The following DENND2A variants were observed in gnomAD, a reference collection of about 807,000 sequenced individuals.
The protein encoded by DENND2A is DENN domain-containing protein 2A.
In DENND2A, 53 loss-of-function variants were observed where a neutral mutation model predicts 105.3. The observed-to-expected ratio is 0.50, with a 90% confidence interval of 0.40 to 0.63. The LOEUF (loss-of-function observed/expected upper bound fraction) is 0.63. Among genes scored for constraint, DENND2A ranks in the 30% least tolerant of loss-of-function variants. The pLI is 0.00. For missense variants in DENND2A, 1,138 were observed against 1,279.6 expected, an observed-to-expected ratio of 0.89 and a Z score of 1.69; for synonymous variants, 522 against 508.4, an observed-to-expected ratio of 1.03 and a Z score of -0.36.
At chr7:140,581,340 G>A (rs568968465) in intron 5 of DENND2A, among the ~76,000 whole-genome samples, 1 of 152,320 alleles carries the variant, frequency 6.6e-6, no homozygotes, top group East Asian at 1.9e-4. Context: ...TGCAGTTTGC[G>A]TTCAGCAGCA....
Position 140,527,814 on chromosome 7 carries a change from TTTA to T in DENND2A, c.2328-322_2328-320del, listed in dbSNP as rs148220740. Among the ~76,000 whole-genome samples, 25,129 of 151,048 alleles carry T rather than the reference TTTA, an allele frequency of 0.17. 3,520 individuals carry two copies. Among genetic ancestry groups the T allele is most frequent in the African/African-American group, 0.4 (16,138 of 40,540 alleles). On this transcript the variant is annotated intron_variant, in intron 14 of 19. Coordinates refer to ENST00000496613, the MANE Select transcript of DENND2A (RefSeq NM_015689.5). The surrounding 1 kb of genome is among the most constrained non-coding windows in gnomAD (Gnocchi z 4.9). ...GATCTATACTCTTGTAAGGTTTTTATTTATTATTTATTTATTTATTTATATTTT... is the reference window on the plus strand; with the variant it reads ...GATCTATACTCTTGTAAGGTTTTTATTTATTTATTTATTTATTTATATTTT...
intron 5 of DENND2A, among the ~76,000 whole-genome samples, chr7:140,580,186 G>A (rs566819782): frequency 2.0e-5 from 3 of 152,192 alleles, no homozygotes; most frequent in African/African-American, 7.2e-5. Flanking sequence ...AATTGTGGAC[G>A]AGTTTTTTTC....
At chr7:140,596,841 T>C (rs10270711) in intron 3 of DENND2A, among the ~76,000 whole-genome samples, 1,590 of 152,246 alleles carry the variant, frequency 0.01, 22 homozygotes, top group African/African-American at 0.036. Flanking sequence ...ACTTAAAGAG[T>C]AGTAACTTTT....
At chr7:140,519,789 C>T in intron 18 of DENND2A, 71 bp from the exon 19 acceptor site, 12 of 1,376,644 alleles carry the variant, frequency 8.7e-6, no homozygotes, top group Non-Finnish European at 1.2e-5. Flanking sequence ...CATTTCCTCC[C>T]TACCAGAGAA....
chr7:140,567,036 G>A (rs1439080215), intron 9 of DENND2A, 50 bp downstream of exon 9: 1 of 1,491,478 alleles, frequency 6.7e-7, no homozygotes, highest in Admixed American at 2.2e-5. Context: ...GTCCCAACAA[G>A]GTGATGGTTA....
At position 140,601,621 on chromosome 7, in the gene DENND2A, T is replaced by C; in HGVS notation, c.777A>G (p.Thr259=). 1 of 1,613,582 alleles carries C rather than the reference T, an allele frequency of 6.2e-7. No homozygotes were observed. Among genetic ancestry groups the C allele is most frequent in the Non-Finnish European group, 8.5e-7 (1 of 1,179,702 alleles). ...NVYRGSEGSP[T]KPFINPLPKP... The stretch of plus-strand genomic sequence containing the variant: ...TTGGCAGAGGGTTGATGAAGGGCTT[T>C]GTGGGGGAACCCTCCGAGCCCCTAT... Residue 259 remains threonine, a synonymous_variant, in exon 3 of 20, where the codon ACA becomes ACG. Transcript: ENST00000496613.
chr7:140,589,316 A>G (rs950723330), intron 3 of DENND2A, among the ~76,000 whole-genome samples: 6 of 152,222 alleles, frequency 3.9e-5, no homozygotes, highest in African/African-American at 1.4e-4. Flanking sequence ...ACAAAACTGC[A>G]TTACACAGTG....
chr7:140,542,834 G>C (rs923989607), intron 14 of DENND2A, among the ~76,000 whole-genome samples: 1 of 152,054 alleles, frequency 6.6e-6, no homozygotes, highest in African/African-American at 2.4e-5. Context: ...CCAAAGTGCT[G>C]GGATTACAGT....
intron 2 of DENND2A, 86 bp downstream of exon 2, chr7:140,605,619 A>T (rs968153784): frequency 1.3e-5 from 2 of 152,384 alleles, no homozygotes; most frequent in East Asian, 3.9e-4. Flanking sequence ...CCTTAGCTCA[A>T]GGAAGTAGGA....
chr7:140,524,582 T>C (rs1401758375), intron 16 of DENND2A, among the ~76,000 whole-genome samples: 1 of 152,046 alleles, frequency 6.6e-6, no homozygotes, highest in Non-Finnish European at 1.5e-5. Context: ...CTTCTCTCTT[T>C]TTTTTTTCTT....
intron 3 of DENND2A, among the ~76,000 whole-genome samples, chr7:140,591,594 T>C (rs772112580): frequency 2.0e-5 from 3 of 152,146 alleles, no homozygotes; most frequent in Non-Finnish European, 4.4e-5. Context: ...TGGTAACACA[T>C]GCCAAAGCAT....
intron 11 of DENND2A, among the ~76,000 whole-genome samples, chr7:140,557,828 G>A (rs1054515679): frequency 1.3e-5 from 2 of 151,602 alleles, no homozygotes; most frequent in African/African-American, 2.4e-5. Flanking sequence ...GTGAGCCACC[G>A]CGCCCGGCCG....
At position 140,527,845 on chromosome 7, in the gene DENND2A, A is replaced by AT. The variant is rs1055834224; in HGVS notation, c.2328-351dup. Among the ~76,000 whole-genome samples, 2 of 151,118 alleles carry AT rather than the reference A, an allele frequency of 1.3e-5. No individual in the cohort carries two copies. Among genetic ancestry groups the AT allele is most frequent in the African/African-American group, 4.9e-5 (2 of 41,066 alleles). ...ATTTATTTATTTATTTATATTTTTA[A>AT]TTTTTTTGAGACGGAGTCTCACTCT... On this transcript the variant is annotated intron_variant, in intron 14 of 19. Transcript: ENST00000496613. This position sits in a 1 kb window ranked among gnomAD's most constrained non-coding sequence, Gnocchi z 4.9.
At position 140,602,375 on chromosome 7, in the gene DENND2A, A is replaced by G; in HGVS notation, c.23T>C (p.Met8Thr). Residue 8 changes from methionine to threonine, a missense_variant, in exon 3 of 20, where the codon ATG becomes ACG. Around this residue, in one of 2 missense-constraint regions of DENND2A, gnomAD observed 511 missense variants for 499.9 expected, o/e 1.02. Coordinates refer to ENST00000496613, the MANE Select transcript of DENND2A (RefSeq NM_015689.5). ...TTCTGCAGCTGGGTCACTGATGATCATATCCAAGCTGAACATATCCATTCT... is the reference window on the plus strand; with the variant it reads ...TTCTGCAGCTGGGTCACTGATGATCGTATCCAAGCTGAACATATCCATTCT... MDMFSLD[M>T]IISDPAAEAS... 2.5e-6 allele frequency: 4 copies of G among 1,583,390 alleles called. No homozygotes were observed. Among genetic ancestry groups the G allele is most frequent in the Non-Finnish European group, 3.4e-6 (4 of 1,168,530 alleles).
chr7:140,638,154 A>G (rs889294561), intron 1 of DENND2A, among the ~76,000 whole-genome samples: 1 of 152,160 alleles, frequency 6.6e-6, no homozygotes, highest in African/African-American at 2.4e-5. Context: ...ATTCCAGGAA[A>G]AATTTTGTTC....
At chr7:140,539,001 T>C (rs1222099854) in intron 14 of DENND2A, among the ~76,000 whole-genome samples, 1 of 151,782 alleles carries the variant, frequency 6.6e-6, no homozygotes, top group African/African-American at 2.4e-5. Context: ...TTTTTGTCTT[T>C]TTGGTAGAGA....
intron 1 of DENND2A, among the ~76,000 whole-genome samples, chr7:140,634,014 T>C (rs1472138338): frequency 1.3e-5 from 2 of 151,262 alleles, no homozygotes. Flanking sequence ...TTTTTTTTTT[T>C]CCGAGACAGA....
At chr7:140,614,059 A>C (rs1263047828) in intron 1 of DENND2A, among the ~76,000 whole-genome samples, 2 of 151,998 alleles carry the variant, frequency 1.3e-5, no homozygotes, top group Non-Finnish European at 2.9e-5. Context: ...TGAAGTCCTC[A>C]AAGCCTCTTT....
intron 8 of DENND2A, 79 bp downstream of exon 8, chr7:140,568,684 C>T (rs1359169058): frequency 2.0e-6 from 3 of 1,469,134 alleles, no homozygotes; most frequent in Non-Finnish European, 2.9e-6. Flanking sequence ...GCTTCTGTCC[C>T]TCATACTAAG....
Sources: allele counts gnomAD v4.1 joint callset (sites outside exome capture counted in the v4.1 genomes callset), GRCh38; gene constraint gnomAD v4.1.1; regional missense constraint gnomAD v4.1.1; non-coding constraint Gnocchi (gnomAD v3.1); transcripts MANE v1.5; gene names NCBI Gene and HGNC (gene_info 2026-07-23, HGNC 2026-07-21).